The following NR3C2 variants were observed in gnomAD, a reference collection of about 807,000 sequenced individuals.
NR3C2 encodes nuclear receptor subfamily 3 group C member 2.
In NR3C2, 15 loss-of-function variants were observed where a neutral mutation model predicts 86.4. That is an observed-to-expected ratio of 0.17 (90% CI 0.12 to 0.27). The LOEUF (loss-of-function observed/expected upper bound fraction) is 0.27. Ranked by LOEUF, NR3C2 falls within the 10% of genes least tolerant of loss-of-function variation. NR3C2 has a pLI of 1.00. For missense variants in NR3C2, 960 were observed against 1,195.6 expected (o/e 0.80, Z 2.91); for synonymous variants, 458 against 450.5 (o/e 1.02, Z -0.21).
chr4:148,172,522 T>C (rs903704270), intron 4 of NR3C2, among the ~76,000 whole-genome samples: 3 of 152,200 alleles, frequency 2.0e-5, no homozygotes, highest in Non-Finnish European at 4.4e-5. Flanking sequence ...CACTAAAACT[T>C]TGTTAAAATA....
At chr4:148,395,085 G>A in intron 2 of NR3C2, among the ~76,000 whole-genome samples, 1 of 151,970 alleles carries the variant, frequency 6.6e-6, no homozygotes, top group Admixed American at 6.6e-5. Context: ...GATGGGGGAG[G>A]TGAGAGTAAC....
chr4:148,395,976 T>C (rs1747840988), intron 2 of NR3C2, among the ~76,000 whole-genome samples: 1 of 152,226 alleles, frequency 6.6e-6, no homozygotes, highest in Non-Finnish European at 1.5e-5. Context: ...GACAAGGCAT[T>C]CCACTATGCT....
chr4:148,311,396 C>A (rs1168373054), intron 2 of NR3C2, among the ~76,000 whole-genome samples: 1 of 152,214 alleles, frequency 6.6e-6, no homozygotes, highest in Admixed American at 6.5e-5. Context: ...TTAATGACAA[C>A]TGCATTCTTG....
At chr4:148,272,708 A>T (rs1212844231) in intron 2 of NR3C2, among the ~76,000 whole-genome samples, 1 of 152,140 alleles carries the variant, frequency 6.6e-6, no homozygotes, top group Non-Finnish European at 1.5e-5. Flanking sequence ...GCAATTACGG[A>T]TGTTTTTTTC....
chr4:148,199,047 C>G (rs1220694446), intron 3 of NR3C2, among the ~76,000 whole-genome samples: 2 of 145,112 alleles, frequency 1.4e-5, no homozygotes, highest in Non-Finnish European at 3.0e-5. Context: ...CACCATTGCA[C>G]TCCAGCCTAG....
intron 2 of NR3C2, among the ~76,000 whole-genome samples, chr4:148,267,176 G>A (rs548247571): frequency 2.0e-4 from 31 of 152,268 alleles, no homozygotes; most frequent in African/African-American, 6.5e-4. Flanking sequence ...TAGATTACAC[G>A]ACTCAGTATA....
At chr4:148,089,566 G>A (rs1208925952) in intron 8 of NR3C2, among the ~76,000 whole-genome samples, 1 of 152,232 alleles carries the variant, frequency 6.6e-6, no homozygotes, top group Admixed American at 6.5e-5. Context: ...TTCCCTCTAT[G>A]GAACACAGTT....
At chr4:148,370,236 G>A (rs1244644698) in intron 2 of NR3C2, among the ~76,000 whole-genome samples, 1 of 152,068 alleles carries the variant, frequency 6.6e-6, no homozygotes, top group African/African-American at 2.4e-5. Context: ...TTACTGACCT[G>A]GTCAAACATG....
At chr4:148,348,073 T>C (rs528358152) in intron 2 of NR3C2, among the ~76,000 whole-genome samples, 1 of 152,242 alleles carries the variant, frequency 6.6e-6, no homozygotes, top group Non-Finnish European at 1.5e-5. Context: ...CCCAGGTGTT[T>C]CTGAAGAGAA....
At chr4:148,263,846 C>T (rs1032527570) in intron 2 of NR3C2, among the ~76,000 whole-genome samples, 1 of 152,182 alleles carries the variant, frequency 6.6e-6, no homozygotes, top group African/African-American at 2.4e-5. Context: ...CTCCTAACTC[C>T]TTCACATTTT....
chr4:148,149,142 A>G (rs1316676547), intron 6 of NR3C2, among the ~76,000 whole-genome samples: 1 of 152,200 alleles, frequency 6.6e-6, no homozygotes, highest in African/African-American at 2.4e-5. Context: ...TATTCTTTCT[A>G]GTTGAGAGAA....
chr4:148,134,369 T>C (rs1733177141), intron 6 of NR3C2, among the ~76,000 whole-genome samples: 1 of 152,192 alleles, frequency 6.6e-6, no homozygotes, highest in Admixed American at 6.5e-5. Context: ...ACAATGATTA[T>C]TCAATGTATA....
At chr4:148,201,837 T>A (rs1376501766) in intron 3 of NR3C2, among the ~76,000 whole-genome samples, 3 of 152,154 alleles carry the variant, frequency 2.0e-5, no homozygotes, top group African/African-American at 7.2e-5. Flanking sequence ...TCTACCTATA[T>A]CTGGAAAACA....
intron 2 of NR3C2, among the ~76,000 whole-genome samples, chr4:148,300,271 A>G (rs975211860): frequency 2.6e-5 from 4 of 152,106 alleles, no homozygotes; most frequent in African/African-American, 9.7e-5. Context: ...TTGACATTCT[A>G]TGTGATCTTT....
chr4:148,091,162 C>T (rs1313973213), intron 8 of NR3C2, among the ~76,000 whole-genome samples: 1 of 152,260 alleles, frequency 6.6e-6, no homozygotes, highest in African/African-American at 2.4e-5. Context: ...AAAACCTCTG[C>T]AGGCCTAAAT....
rs201996429 is a variant in NR3C2 at position 148,436,327 on chromosome 4, G to A, written c.534C>T (p.Arg178=). The change falls in exon 2 of 9, where the codon CGC becomes CGT. Residue 178 remains arginine (R), a synonymous_variant. Coordinates refer to ENST00000358102, the MANE Select transcript of NR3C2 (RefSeq NM_000901.5). ...SGSSVNGGVM[R]AVVKSPIMCH... ...ACATGATAGGGCTTTTAACAACGGC[G>A]CGCATGACGCCACCATTCACGGAGC... 117 of 1,614,068 alleles carry A rather than the reference G, an allele frequency of 7.2e-5. No individual in the cohort carries two copies. The highest frequency in any genetic ancestry group is 5.0e-5 in the Admixed American group (3 of 59,996).
chr4:148,422,876 C>A (rs1398353418), intron 2 of NR3C2, among the ~76,000 whole-genome samples: 1 of 152,136 alleles, frequency 6.6e-6, no homozygotes, highest in Non-Finnish European at 1.5e-5. Context: ...CTCCTCTTCT[C>A]TTACATTAGA....
intron 8 of NR3C2, among the ~76,000 whole-genome samples, chr4:148,111,805 G>A (rs757584110): frequency 6.6e-6 from 1 of 152,166 alleles, no homozygotes. Context: ...TTCACAGAGC[G>A]ATATAGAAAG....
chr4:148,301,724 G>A (rs1742345238), intron 2 of NR3C2, among the ~76,000 whole-genome samples: 1 of 151,992 alleles, frequency 6.6e-6, no homozygotes, highest in Non-Finnish European at 1.5e-5. Context: ...TAACATCAAG[G>A]GTTTTACACT....
Sources: gnomAD v4.1 joint callset for allele counts (sites outside exome capture counted in the v4.1 genomes callset) on GRCh38, gnomAD v4.1.1 for gene constraint, MANE v1.5 for transcripts, NCBI Gene and HGNC (gene_info 2026-07-23, HGNC 2026-07-21) for gene names.